ZNF250: variants seen among roughly 807,000 people sequenced by gnomAD.
ZNF250 encodes zinc finger protein (clone 647).
In ZNF250, 13 loss-of-function variants were observed where a neutral mutation model predicts 37.1. The observed-to-expected ratio is 0.35, with a 90% CI of 0.23 to 0.56. ZNF250 has a LOEUF of 0.56. Among genes scored for constraint, ZNF250 ranks in the 20% least tolerant of loss-of-function variants. ZNF250 has a pLI of 0.87. For missense variants in ZNF250, 474 were observed against 697.9 expected (o/e 0.68, Z 3.61); for synonymous variants, 251 against 265.6 (o/e 0.94, Z 0.54).
chr8:144,900,480 C>T lies in ZNF250; in HGVS notation c.-55+919G>A, dbSNP rs539493216. On this transcript the variant is annotated intron_variant, in intron 1 of 5. Transcript: ENST00000417550. ...AAACTGTTCACAGCTCCTGCCTCTT[C>T]ATACACTGGCAGAGTGTCGGGGGGG... Among the ~76,000 whole-genome samples the T allele has an allele frequency of 3.9e-5, 6 of 152,324 alleles. No homozygotes were observed. In the East Asian group the frequency reaches 9.6e-4, roughly 24 times the overall value.
At chr8:144,899,186 T>A (rs1209524275) in intron 1 of ZNF250, among the ~76,000 whole-genome samples, 2 of 151,408 alleles carry the variant, frequency 1.3e-5, no homozygotes, top group Admixed American at 6.6e-5. Context: ...GTTGGTCCCA[T>A]GGAGGTAGAG....
rs144226247 is a variant in ZNF250 at position 144,878,706 on chromosome 8, C to T, written c.*2809G>A. 1 of 152,226 alleles carries T rather than the reference C, an allele frequency of 6.6e-6. No individual in the cohort carries two copies. Among genetic ancestry groups the T allele is most frequent in the Non-Finnish European group, 1.5e-5 (1 of 68,024 alleles). The allele number at this position is 152,226 out of a possible 1,614,324, so 9.4% of individuals were successfully genotyped here. Reference sequence around the variant, plus strand: ...TCCTTTATGAAATAGCACTCAGTGACCTCCATTCTTCTAGAGTTTCACATT... The same window carrying T: ...TCCTTTATGAAATAGCACTCAGTGATCTCCATTCTTCTAGAGTTTCACATT... On this transcript the variant is annotated 3_prime_UTR_variant, in exon 6 of 6. Coordinates refer to ENST00000417550, the MANE Select transcript of ZNF250 (RefSeq NM_001109689.4).
At position 144,882,749 on chromosome 8, in the gene ZNF250, G is replaced by C. The variant is rs369375338; in HGVS notation, c.434C>G (p.Pro145Arg). The C allele has an allele frequency of 1.5e-5, 25 of 1,613,820 alleles. No individual in the cohort carries two copies. The highest frequency in any genetic ancestry group is 2.0e-5 in the Non-Finnish European group (24 of 1,179,876). ...ATTTTCTTGATCAATCCTCCCCAAG[G>C]GTGTTTTCCCCAGAATCACTGTTTG... ...SEQTVILGKT[P>R]LGRIDQENNE... is the part of the protein sequence containing the mutation. Residue 145 changes from proline (P) to arginine (R), a missense_variant, in exon 6 of 6, where the codon CCC becomes CGC. Physicochemically the swap from Pro to Arg is moderately radical, Grantham distance 103. Coordinates refer to ENST00000417550, the MANE Select transcript of ZNF250 (RefSeq NM_001109689.4). This position sits in a 1 kb window ranked among gnomAD's most constrained non-coding sequence, Gnocchi z 5.5.
intron 3 of ZNF250, 51 bp from the exon 4 acceptor site, chr8:144,889,745 T>C (rs1586907743): frequency 1.9e-6 from 3 of 1,551,834 alleles, no homozygotes; most frequent in Non-Finnish European, 1.8e-6. Context: ...CAGAGCCCCC[T>C]CCCCCTGCCC....
At chr8:144,886,012 T>C (rs889066000) in intron 5 of ZNF250, among the ~76,000 whole-genome samples, 5 of 151,628 alleles carry the variant, frequency 3.3e-5, no homozygotes, top group Admixed American at 2.6e-4. Context: ...TGTGGGAGGA[T>C]TGCTTGAGTC....
intron 5 of ZNF250, among the ~76,000 whole-genome samples, chr8:144,884,886 G>A (rs979843910): frequency 1.6e-4 from 25 of 152,146 alleles, no homozygotes; most frequent in Non-Finnish European, 1.5e-5. Context: ...GTAACATCAT[G>A]TCACAGTGGT....
intron 1 of ZNF250, among the ~76,000 whole-genome samples, chr8:144,900,355 G>A (rs535637274): frequency 4.5e-4 from 68 of 152,208 alleles, no homozygotes; most frequent in African/African-American, 1.6e-3. Context: ...AGCGCCCCCT[G>A]CCGCCCCTGG....
At chr8:144,889,767 G>T in intron 3 of ZNF250, 73 bp from the exon 4 acceptor site, 1 of 1,514,958 alleles carries the variant, frequency 6.6e-7, no homozygotes, top group East Asian at 2.3e-5. Context: ...AGCCACTTGT[G>T]GGGACATGAA....
chr8:144,881,236 A>G lies in ZNF250; in HGVS notation c.*279T>C, dbSNP rs995216828. ...TAAATTCCCTTAGTTCAAATAAACT[A>G]ATGTTAAAGAATTATGGCTGTTTTT... is the stretch of plus-strand genomic sequence containing the variant. On this transcript the variant is annotated 3_prime_UTR_variant, in exon 6 of 6. Transcript: ENST00000417550. 4 of 320,756 alleles carry G rather than the reference A, an allele frequency of 1.2e-5. No homozygotes were observed. The highest frequency in any genetic ancestry group is 6.4e-5 in the African/African-American group (3 of 46,744). The allele number at this position is 320,756 out of a possible 1,614,324, so 19.9% of individuals were successfully genotyped here. A position where few individuals can be genotyped will look rare whatever the true frequency, so the allele number is the denominator to read the frequency against.
intron 5 of ZNF250, among the ~76,000 whole-genome samples, chr8:144,885,129 A>AT (rs1440042200): frequency 2.0e-5 from 3 of 152,112 alleles, no homozygotes; most frequent in Non-Finnish European, 4.4e-5. Flanking sequence ...GTTTAATACA[A>AT]TTTTTTTGAG....
Position 144,891,252 on chromosome 8 carries a change from A to G in ZNF250, c.-54-849T>C, listed in dbSNP as rs1040055755. Among the ~76,000 whole-genome samples, 12 of 152,158 alleles carry G rather than the reference A, an allele frequency of 7.9e-5. No individual in the cohort carries two copies. Among genetic ancestry groups the G allele is most frequent in the Non-Finnish European group, 1.6e-4 (11 of 68,028 alleles). On this transcript the variant is annotated intron_variant, in intron 1 of 5. Transcript: ENST00000417550. The surrounding 1 kb of genome is among the most constrained non-coding windows in gnomAD (Gnocchi z 4.0). ...CAGGGATACAGAAACCAACCAGGTG[A>G]CCAAAGGTGGTAGATCACTCCAGAA...
intron 1 of ZNF250, among the ~76,000 whole-genome samples, chr8:144,893,126 G>A (rs1191171035): frequency 6.6e-6 from 1 of 152,012 alleles, no homozygotes; most frequent in Non-Finnish European, 1.5e-5. Context: ...GCCTCCCAAA[G>A]TGCTGGGATT....
chr8:144,898,103 C>T (rs1303566721), intron 1 of ZNF250, among the ~76,000 whole-genome samples: 4 of 152,114 alleles, frequency 2.6e-5, no homozygotes, highest in African/African-American at 7.2e-5. Flanking sequence ...TCAAGACCAG[C>T]CTGGGTGACA....
chr8:144,888,001 G>A (rs1421231501), intron 4 of ZNF250, among the ~76,000 whole-genome samples: 1 of 152,188 alleles, frequency 6.6e-6, no homozygotes, highest in Non-Finnish European at 1.5e-5. Flanking sequence ...GCCAATGGAG[G>A]TGTTGCCCAA....
rs1457960972 is a variant in ZNF250, at chr8:144,890,333, A to G, written c.17T>C (p.Leu6Pro). Residue 6 changes from leucine to proline, a missense_variant, in exon 2 of 6, where the codon CTC (leucine) becomes CCC (proline). Physicochemically the swap from Leu to Pro is moderately conservative, Grantham distance 98 (BLOSUM62 -3). Around this residue, in one of 2 missense-constraint regions of ZNF250, gnomAD observed 192 missense variants for 227.5 expected, o/e 0.84. Transcript: ENST00000417550. The surrounding 1 kb of genome is among the most constrained non-coding windows in gnomAD (Gnocchi z 5.1). ...CTGGGGTCCTGCCGGCACTGGCAGG[A>G]GTCTGGCTGCTGCCATCACCTGGTC... MAAAR[L>P]LPVPAGPQAK... is the part of the protein sequence containing the mutation. The G allele has an allele frequency of 6.6e-7, 1 of 1,507,514 alleles. No individual in the cohort carries two copies. Among genetic ancestry groups the G allele is most frequent in the Non-Finnish European group, 8.9e-7 (1 of 1,126,696 alleles). The allele number at this position is 1,507,514 out of a possible 1,614,324, so 93.4% of individuals were successfully genotyped here.
At chr8:144,895,981 C>T (rs551847158) in intron 1 of ZNF250, among the ~76,000 whole-genome samples, 71 of 144,984 alleles carry the variant, frequency 4.9e-4, no homozygotes, top group Non-Finnish European at 6.8e-4. Flanking sequence ...TGCACTCCAG[C>T]CTGCATAACA....
chr8:144,898,461 C>T (rs1413315930), intron 1 of ZNF250, among the ~76,000 whole-genome samples: 1 of 151,874 alleles, frequency 6.6e-6, no homozygotes, highest in Non-Finnish European at 1.5e-5. Context: ...AAGATTAAAC[C>T]TTAGAAATGC....
intron 4 of ZNF250, among the ~76,000 whole-genome samples, chr8:144,887,905 G>C (rs1024359304): frequency 6.6e-6 from 1 of 152,202 alleles, no homozygotes; most frequent in Admixed American, 6.5e-5. Context: ...GTAATACCTG[G>C]TGCCCTATCC....
intron 1 of ZNF250, among the ~76,000 whole-genome samples, chr8:144,892,886 G>T (rs1832447064): frequency 8.5e-6 from 1 of 117,094 alleles, no homozygotes; most frequent in African/African-American, 3.2e-5. Context: ...TTGAGACGAA[G>T]TCTTGCTCTG....
Sources: allele counts gnomAD v4.1 joint callset (sites outside exome capture counted in the v4.1 genomes callset), GRCh38; gene constraint gnomAD v4.1.1; regional missense constraint gnomAD v4.1.1; non-coding constraint Gnocchi (gnomAD v3.1); transcripts MANE v1.5; gene names NCBI Gene and HGNC (gene_info 2026-07-23, HGNC 2026-07-21).